The following CNTN4 variants were observed in gnomAD, a reference collection of about 807,000 sequenced individuals.
The protein encoded by CNTN4 is contactin 4.
A neutral mutation model predicts 122.5 loss-of-function variants in CNTN4; 77 were observed. The observed-to-expected ratio is 0.63, with a 90% CI of 0.52 to 0.76. CNTN4 has a LOEUF of 0.76. Among genes scored for constraint, CNTN4 ranks in the 30% least tolerant of loss-of-function variants. The probability of loss-of-function intolerance (pLI) is 0.00; values close to 1 mark genes in which losing one functional copy is unlikely to be tolerated. For synonymous variants in CNTN4, 512 were observed against 447.0 expected (o/e 1.15, Z -1.83); for missense variants, 1,256 against 1,259.1 (o/e 1.00, Z 0.04).
chr3:2,395,840 A>T (rs964183846), intron 3 of CNTN4, among the ~76,000 whole-genome samples: 1 of 152,152 alleles, frequency 6.6e-6, no homozygotes, highest in African/African-American at 2.4e-5. Flanking sequence ...GCGGTTTACC[A>T]TATGTGAAGT....
At chr3:2,625,104 TAGTA>T (rs1453332474) in intron 4 of CNTN4, among the ~76,000 whole-genome samples, 1 of 152,164 alleles carries the variant, frequency 6.6e-6, no homozygotes, top group African/African-American at 2.4e-5. Context: ...TAAAAATACA[TAGTA>T]AGAGCTTAAT....
intron 4 of CNTN4, among the ~76,000 whole-genome samples, chr3:2,698,837 G>A (rs1039090918): frequency 8.5e-5 from 13 of 152,280 alleles, no homozygotes; most frequent in African/African-American, 2.9e-4. Context: ...GGCCAACTTC[G>A]TGAAACTCTG....
chr3:2,311,933 A>G (rs994552084), intron 2 of CNTN4, among the ~76,000 whole-genome samples: 1 of 152,102 alleles, frequency 6.6e-6, no homozygotes. Context: ...GTTTTGGAGG[A>G]TTCTTAAGGA....
intron 2 of CNTN4, among the ~76,000 whole-genome samples, chr3:2,261,691 C>T (rs139654154): frequency 1.1e-3 from 172 of 152,210 alleles, no homozygotes; most frequent in African/African-American, 3.7e-3. Context: ...AGTGAAGGCC[C>T]GCTTGCTTCA....
chr3:2,151,478 A>G (rs2035492067), intron 2 of CNTN4, among the ~76,000 whole-genome samples: 1 of 152,026 alleles, frequency 6.6e-6, no homozygotes, highest in East Asian at 1.9e-4. Context: ...GACTGAACAC[A>G]TTTCTGTAGC....
At chr3:2,748,887 C>A (rs1210458435) in intron 6 of CNTN4, among the ~76,000 whole-genome samples, 1 of 152,176 alleles carries the variant, frequency 6.6e-6, no homozygotes, top group African/African-American at 2.4e-5. Flanking sequence ...TTACCATGGT[C>A]TCATTTTAAT....
In CNTN4 at chr3:2,145,702, C is replaced by T. The variant is rs367544812; in HGVS notation, c.-145+45063C>T. On this transcript the variant is annotated intron_variant, in intron 2 of 24. Transcript: ENST00000418658. Reference sequence around the variant, plus strand: ...TAAATTAATCATGCCAAGCATTATACATGAAATGAAATTTCAATCCTATTT... The same window carrying T: ...TAAATTAATCATGCCAAGCATTATATATGAAATGAAATTTCAATCCTATTT... 4.6e-5 allele frequency among the ~76,000 whole-genome samples: 7 copies of T among 152,224 alleles called. No individual in the cohort carries two copies. In the East Asian group the frequency reaches 5.8e-4, roughly 13 times the overall value.
chr3:2,961,231 C>CAAA lies in CNTN4; in HGVS notation c.1359-27097_1359-27095dup, dbSNP rs59790353. Reference sequence around the variant, plus strand: ...GGCGACAGAACGAGACTCCATCTCACAAAAAAAAAAAAAAAAAAAGGCCTA... The same window carrying CAAA: ...GGCGACAGAACGAGACTCCATCTCACAAAAAAAAAAAAAAAAAAAAAAGGCCTA... On this transcript the variant is annotated intron_variant, in intron 13 of 24. Coordinates refer to ENST00000418658, the MANE Select transcript of CNTN4 (RefSeq NM_175607.3). Among the ~76,000 whole-genome samples, 352 of 37,232 alleles carry CAAA rather than the reference C, an allele frequency of 9.5e-3. 24 individuals carry two copies. The highest frequency in any genetic ancestry group is 0.034 in the African/African-American group (336 of 10,026). The allele number at this position is 37,232 out of a possible 152,430, so 24.4% of individuals were successfully genotyped here.
chr3:2,441,621 G>A (rs2648694), intron 3 of CNTN4, among the ~76,000 whole-genome samples: 43,016 of 152,026 alleles, frequency 0.28, 6,650 homozygotes, highest in Admixed American at 0.37. Context: ...TTCGACTGTG[G>A]CATTCAAACA....
intron 6 of CNTN4, among the ~76,000 whole-genome samples, chr3:2,814,079 T>C (rs2092674370): frequency 6.6e-6 from 1 of 152,228 alleles, no homozygotes; most frequent in African/African-American, 2.4e-5. Flanking sequence ...AAAGGACAGC[T>C]GTTTTCACAA....
intron 3 of CNTN4, among the ~76,000 whole-genome samples, chr3:2,536,535 A>G (rs1559205118): frequency 6.6e-6 from 1 of 152,130 alleles, no homozygotes; most frequent in Non-Finnish European, 1.5e-5. Context: ...AGGTGAGGTC[A>G]TATCAAAGTA....
chr3:2,574,186 A>C (rs1246709904), intron 4 of CNTN4, among the ~76,000 whole-genome samples: 1 of 152,240 alleles, frequency 6.6e-6, no homozygotes, highest in East Asian at 1.9e-4. Context: ...ACTGCACTCC[A>C]GCCTGGGCAA....
In CNTN4 at chr3:2,919,268, C is replaced by T. The variant is rs994520751; in HGVS notation, c.1208-6361C>T. On this transcript the variant is annotated intron_variant, in intron 12 of 24. Coordinates refer to ENST00000418658, the MANE Select transcript of CNTN4 (RefSeq NM_175607.3). Reference sequence around the variant, plus strand: ...TCAGGAGGCTGAGGCAGGAGAATCACTTGAACCCAGAAGGCGGAGGCTGCA... The same window carrying T: ...TCAGGAGGCTGAGGCAGGAGAATCATTTGAACCCAGAAGGCGGAGGCTGCA... Among the ~76,000 whole-genome samples the T allele has an allele frequency of 4.7e-5, 7 of 149,276 alleles. No individual in the cohort carries two copies. In the East Asian group the frequency reaches 1.4e-3, roughly 30 times the overall value.
At chr3:2,660,623 T>C (rs2083839759) in intron 4 of CNTN4, among the ~76,000 whole-genome samples, 1 of 152,206 alleles carries the variant, frequency 6.6e-6, no homozygotes, top group East Asian at 1.9e-4. Context: ...CATTTGAAAT[T>C]CCAAGGTCAA....
In CNTN4 at chr3:2,891,023, G is replaced by A. The variant is rs924808061; in HGVS notation, c.940+3799G>A. ...AATTTTTTTTTATTGCCTACCATGTGGGAGACATTATCAGGCACTATGGCT... is the reference window on the plus strand; with the variant it reads ...AATTTTTTTTTATTGCCTACCATGTAGGAGACATTATCAGGCACTATGGCT... On this transcript the variant is annotated intron_variant, in intron 10 of 24. Coordinates refer to ENST00000418658, the MANE Select transcript of CNTN4 (RefSeq NM_175607.3). Among the ~76,000 whole-genome samples the A allele has an allele frequency of 4.6e-5, 7 of 151,942 alleles. 1 individual carries two copies. In the South Asian group the frequency reaches 1.5e-3, roughly 32 times the overall value.
intron 2 of CNTN4, among the ~76,000 whole-genome samples, chr3:2,234,408 C>A (rs1287097961): frequency 6.8e-6 from 1 of 147,616 alleles, no homozygotes; most frequent in South Asian, 2.1e-4. Context: ...GTTTTCATTG[C>A]GTCTGGCTAA....
At chr3:2,140,541 T>A (rs932518772) in intron 2 of CNTN4, among the ~76,000 whole-genome samples, 3 of 152,106 alleles carry the variant, frequency 2.0e-5, no homozygotes, top group Non-Finnish European at 4.4e-5. Context: ...CTCACATGGG[T>A]ATAGGAGGTA....
At chr3:2,920,201 C>T (rs1036325723) in intron 12 of CNTN4, among the ~76,000 whole-genome samples, 1 of 151,562 alleles carries the variant, frequency 6.6e-6, no homozygotes, top group African/African-American at 2.4e-5. Context: ...ACCACACACA[C>T]ACAGACTCTC....
At chr3:2,342,945 C>A (rs935124773) in intron 3 of CNTN4, among the ~76,000 whole-genome samples, 1 of 152,190 alleles carries the variant, frequency 6.6e-6, no homozygotes, top group Non-Finnish European at 1.5e-5. Flanking sequence ...CGGGCAGTGA[C>A]TGACTGCTAC....
Sources: allele counts gnomAD v4.1 joint callset (sites outside exome capture counted in the v4.1 genomes callset), GRCh38; gene constraint gnomAD v4.1.1; transcripts MANE v1.5; gene names NCBI Gene and HGNC (gene_info 2026-07-23, HGNC 2026-07-21).